The following RFX7 variants were observed in gnomAD, a reference collection of about 807,000 sequenced individuals.
RFX7 encodes DNA-binding protein RFX7.
In RFX7, 26 loss-of-function variants were observed where a neutral mutation model predicts 111.8. The ratio of observed to expected loss-of-function variants is 0.23; its 90% CI spans 0.17 to 0.32. The LOEUF (loss-of-function observed/expected upper bound fraction) is 0.32. Ranked by LOEUF, RFX7 falls within the 10% of genes least tolerant of loss-of-function variation. The pLI, the probability that RFX7 is intolerant of heterozygous loss-of-function variation, is 1.00. For missense variants in RFX7, 1,573 were observed against 1,772.9 expected (o/e 0.89, Z 2.02); for synonymous variants, 624 against 624.4 (o/e 1.00, Z 0.01).
rs867703429 is a variant in RFX7, at chr15:56,095,088, A to C, written c.2640T>G (p.Asp880Glu). 3.1e-6 allele frequency: 5 copies of C among 1,613,938 alleles called. No individual in the cohort carries two copies. The African/African-American group carries it at 4.0e-5, about 13-fold the overall frequency. ...CCACAATACTATCTTGTGTAAGTTCATCATCAAAAGGAAAGTAGCTTTCAT... is the reference window on the plus strand; with the variant it reads ...CCACAATACTATCTTGTGTAAGTTCCTCATCAAAAGGAAAGTAGCTTTCAT... ...QTNESYFPFD[D>E]ELTQDSIVEE... The change falls in exon 10 of 10, where the codon GAT (aspartate) becomes GAG (glutamate). Residue 880 changes from aspartate to glutamate, a missense_variant. Physicochemically the swap from Asp to Glu is conservative, Grantham distance 45 (BLOSUM62 2). Coordinates refer to ENST00000559447, the MANE Select transcript of RFX7 (RefSeq NM_022841.7).
rs142801931 is a variant in RFX7, at chr15:56,096,401, T to C, written c.1327A>G (p.Thr443Ala). 15 of 1,613,912 alleles carry C rather than the reference T, an allele frequency of 9.3e-6. No individual in the cohort carries two copies. In the African/African-American group the frequency reaches 1.7e-4, roughly 19 times the overall value. ...LPKPANTSALTIRSPTTVLFT... is the reference protein window; with the variant it reads ...LPKPANTSALAIRSPTTVLFT... ...AGGACAGTAGTTGGAGAGCGAATGG[T>C]GAGTGCACTGGTGTTCGCTGGTTTG... is the stretch of plus-strand genomic sequence containing the variant. The change falls in exon 10 of 10, where the codon ACC becomes GCC. Residue 443 changes from threonine to alanine, a missense_variant. Thr to Ala is a moderately conservative substitution (Grantham distance 58). Around this residue, in one of 7 missense-constraint regions of RFX7, gnomAD observed 288 missense variants for 337.9 expected, o/e 0.85. Coordinates refer to ENST00000559447, the MANE Select transcript of RFX7 (RefSeq NM_022841.7).
At chr15:56,135,672 A>G (rs1360696394) in intron 5 of RFX7, among the ~76,000 whole-genome samples, 2 of 152,174 alleles carry the variant, frequency 1.3e-5, no homozygotes, top group East Asian at 3.9e-4. Flanking sequence ...TTGCTGTTTT[A>G]GACATGAAGT....
chr15:56,114,432 C>G (rs1260534244), intron 5 of RFX7, among the ~76,000 whole-genome samples: 1 of 130,824 alleles, frequency 7.6e-6, no homozygotes, highest in East Asian at 2.2e-4. Context: ...AAAAAACAAA[C>G]AACAACAACA....
intron 5 of RFX7, among the ~76,000 whole-genome samples, chr15:56,109,109 T>G (rs1319248730): frequency 1.3e-5 from 2 of 152,228 alleles, no homozygotes; most frequent in African/African-American, 2.4e-5. Context: ...GAAGCTGGAC[T>G]GTACTGCTGC....
At position 56,093,629 on chromosome 15, in the gene RFX7, C is replaced by G. The variant is rs760825882; in HGVS notation, c.4099G>C (p.Gly1367Arg). Reference protein sequence around the residue: ...DSLQTNQQLVGQGASDLTNTA... With the variant: ...DSLQTNQQLVRQGASDLTNTA... ...TTAGTGAGATCAGATGCTCCCTGACCTACCAGCTGCTGGTTGGTTTGCAAG... is the reference window on the plus strand; with the variant it reads ...TTAGTGAGATCAGATGCTCCCTGACGTACCAGCTGCTGGTTGGTTTGCAAG... The change falls in exon 10 of 10, where the codon GGT (glycine) becomes CGT (arginine). Residue 1367 changes from glycine to arginine, a missense_variant. Physicochemically the swap from Gly to Arg is moderately radical, Grantham distance 125. Coordinates refer to ENST00000559447, the MANE Select transcript of RFX7 (RefSeq NM_022841.7). 7 of 1,613,704 alleles carry G rather than the reference C, an allele frequency of 4.3e-6. No individual in the cohort carries two copies. The East Asian group carries it at 1.6e-4, about 36-fold the overall frequency.
intron 2 of RFX7, among the ~76,000 whole-genome samples, chr15:56,205,568 G>C (rs542843284): frequency 2.0e-5 from 3 of 152,176 alleles, no homozygotes; most frequent in Non-Finnish European, 2.9e-5. Context: ...TAAATGCCCA[G>C]ATGTTTTCAC....
rs191787494 is a variant in RFX7 at position 56,139,378 on chromosome 15, G to A, written c.401+3400C>T. ...CATTTCATTCATTTCATCATCCATC[G>A]CTGATACTCTTTCTTCCAGTTGATC... On this transcript the variant is annotated intron_variant, in intron 5 of 9. Transcript: ENST00000559447. Among the ~76,000 whole-genome samples, 35 of 152,004 alleles carry A rather than the reference G, an allele frequency of 2.3e-4. 1 individual carries two copies. Among genetic ancestry groups the A allele is most frequent in the African/African-American group, 7.5e-4 (31 of 41,428 alleles).
chr15:56,162,172 C>T (rs969339546), intron 3 of RFX7, among the ~76,000 whole-genome samples: 1 of 152,040 alleles, frequency 6.6e-6, no homozygotes, highest in Non-Finnish European at 1.5e-5. Context: ...CCAGCTGCCA[C>T]AATGCTTTCA....
intron 9 of RFX7, 115 bp from the exon 10 acceptor site, chr15:56,096,735 G>T: frequency 8.5e-7 from 1 of 1,170,220 alleles, no homozygotes; most frequent in Non-Finnish European, 1.2e-6. Context: ...AAAGAAAAAA[G>T]TTCCTATGTT....
intron 2 of RFX7, among the ~76,000 whole-genome samples, chr15:56,228,374 TTATGTAATTGAAC>T (rs1226415272): frequency 1.3e-5 from 2 of 152,152 alleles, no homozygotes; most frequent in East Asian, 3.8e-4. Context: ...AACTATGGAA[TTATGTAATTGAAC>T]TATGTAAATG....
rs1157867365 is a variant in RFX7, at chr15:56,243,493, CG to C, written c.-52del. On this transcript the variant is annotated 5_prime_UTR_variant, in exon 1 of 10. Transcript: ENST00000559447. ...TCGCCTGCCGCCTGGGGAACATCAC[CG>C]GGGAGACCAGCGGCTCCTCACGGCC... The C allele has an allele frequency of 2.0e-6, 2 of 984,732 alleles. No homozygotes were observed. Among genetic ancestry groups the C allele is most frequent in the African/African-American group, 1.8e-5 (1 of 57,046 alleles). The allele number at this position is 984,732 out of a possible 1,614,324, so 61.0% of individuals were successfully genotyped here. A position where few individuals can be genotyped will look rare whatever the true frequency, so the allele number is the denominator to read the frequency against.
chr15:56,167,755 T>C (rs529368509), intron 3 of RFX7, among the ~76,000 whole-genome samples: 1 of 152,210 alleles, frequency 6.6e-6, no homozygotes, highest in Admixed American at 6.5e-5. Flanking sequence ...AAGTACTTTA[T>C]ATTTTTTACT....
intron 2 of RFX7, among the ~76,000 whole-genome samples, chr15:56,219,170 A>C (rs1305585289): frequency 6.6e-6 from 1 of 152,190 alleles, no homozygotes; most frequent in Non-Finnish European, 1.5e-5. Context: ...CTCCAATATT[A>C]GATATAAATA....
In RFX7 at chr15:56,094,531, T is replaced by C; in HGVS notation, c.3197A>G (p.Asn1066Ser). 6.2e-7 allele frequency: 1 copy of C among 1,613,976 alleles called. No homozygotes were observed. Among genetic ancestry groups the C allele is most frequent in the Non-Finnish European group, 8.5e-7 (1 of 1,179,874 alleles). ...ATTACCAACCCCACTATACCCATTA[T>C]TCATCCATTCAAGCTTGGTTTTGTC... Reference protein sequence around the residue: ...HPDKTKLEWMNNGYSGVGNSS... With the variant: ...HPDKTKLEWMSNGYSGVGNSS... The change falls in exon 10 of 10, where the codon AAT (asparagine) becomes AGT (serine). Residue 1066 changes from asparagine to serine, a missense_variant. By Grantham distance (46) the Asn-to-Ser change is conservative. Transcript: ENST00000559447.
At chr15:56,174,623 T>C (rs374288174) in intron 3 of RFX7, among the ~76,000 whole-genome samples, 2 of 152,040 alleles carry the variant, frequency 1.3e-5, no homozygotes, top group African/African-American at 2.4e-5. Context: ...GGTGCATGCC[T>C]GTAGTCCCAG....
intron 5 of RFX7, among the ~76,000 whole-genome samples, chr15:56,117,722 C>G (rs1470146743): frequency 5.3e-5 from 8 of 152,122 alleles, no homozygotes; most frequent in Non-Finnish European, 1.2e-4. Context: ...TGAGAGCATG[C>G]AGCATTTAAC....
chr15:56,152,724 G>C (rs2042591036), intron 3 of RFX7, among the ~76,000 whole-genome samples: 1 of 148,956 alleles, frequency 6.7e-6, no homozygotes, highest in Non-Finnish European at 1.5e-5. Context: ...GAAGGAGATG[G>C]AGACACAAAA....
chr15:56,164,893 T>G (rs897400881), intron 3 of RFX7, among the ~76,000 whole-genome samples: 13 of 152,084 alleles, frequency 8.5e-5, no homozygotes, highest in Non-Finnish European at 1.3e-4. Flanking sequence ...ACTGTGCCAG[T>G]AGAGTTGGAA....
chr15:56,222,459 G>T (rs1567051757), intron 2 of RFX7, among the ~76,000 whole-genome samples: 1 of 152,082 alleles, frequency 6.6e-6, no homozygotes, highest in African/African-American at 2.4e-5. Context: ...TTCTGCTCCA[G>T]TATCTATTCT....
Sources: allele counts gnomAD v4.1 joint callset (sites outside exome capture counted in the v4.1 genomes callset), GRCh38; gene constraint gnomAD v4.1.1; regional missense constraint gnomAD v4.1.1; transcripts MANE v1.5; gene names NCBI Gene and HGNC (gene_info 2026-07-23, HGNC 2026-07-21).